ADAM29: variants seen among roughly 807,000 people sequenced by gnomAD.
ADAM29 encodes the protein disintegrin and metalloproteinase domain-containing protein 29.
For synonymous variants in ADAM29, 367 were observed against 342.3 expected (o/e 1.07, Z -0.80); for missense variants, 969 against 1,001.8 (o/e 0.97, Z 0.44).
chr4:174,976,381 T>A lies in ADAM29; in HGVS notation c.856T>A (p.Ser286Thr), dbSNP rs1258221431. ...TACGCCCCGGATGCAACATGACACC[T>A]CACATCTTTTCACAACTCTAGGATT... The part of the protein sequence containing the change: ...NITPRMQHDT[S>T]HLFTTLGLRG... Residue 286 changes from serine (S) to threonine (T), a missense_variant, in exon 5 of 5, where the codon TCA becomes ACA. Ser to Thr is a moderately conservative substitution (Grantham distance 58). Coordinates refer to ENST00000359240, the MANE Select transcript of ADAM29 (RefSeq NM_014269.4). 2 of 1,599,132 alleles carry A rather than the reference T, an allele frequency of 1.3e-6. No homozygotes were observed. Among genetic ancestry groups the A allele is most frequent in the African/African-American group, 2.7e-5 (2 of 74,366 alleles).
intron 4 of ADAM29, among the ~76,000 whole-genome samples, chr4:174,951,876 T>C (rs983895254): frequency 6.6e-6 from 1 of 152,224 alleles, no homozygotes; most frequent in East Asian, 1.9e-4. Flanking sequence ...TTCAAGGGGA[T>C]TGGGGAGATG....
Position 174,976,776 on chromosome 4 carries a change from G to T in ADAM29, c.1251G>T (p.Lys417Asn). The T allele has an allele frequency of 6.2e-7, 1 of 1,614,152 alleles. No individual in the cohort carries two copies. The highest frequency in any genetic ancestry group is 1.1e-5 in the South Asian group (1 of 91,084). Residue 417 changes from lysine to asparagine, a missense_variant, in exon 5 of 5, where the codon AAG becomes AAT. Coordinates refer to ENST00000359240, the MANE Select transcript of ADAM29 (RefSeq NM_014269.4). Reference sequence around the variant, plus strand: ...AAGAGTGTGACTGTGGACCTTTAAAGCATTGTGCAAAAGATCCCTGCTGTC... The same window carrying T: ...AAGAGTGTGACTGTGGACCTTTAAATCATTGTGCAAAAGATCCCTGCTGTC... The part of the protein sequence containing the change: ...EGEECDCGPL[K>N]HCAKDPCCLS...
chr4:174,950,307 C>A (rs1486010262), intron 4 of ADAM29, among the ~76,000 whole-genome samples: 2 of 152,082 alleles, frequency 1.3e-5, no homozygotes, highest in Admixed American at 1.3e-4. Flanking sequence ...TATGATAAAC[C>A]CATAGGACTT....
At position 174,939,905 on chromosome 4, in the gene ADAM29, T is replaced by C. The variant is rs908382912; in HGVS notation, c.-181+2892T>C. 1.3e-4 allele frequency among the ~76,000 whole-genome samples: 20 copies of C among 152,026 alleles called. 1 individual carries two copies. The highest frequency in any genetic ancestry group is 4.6e-4 in the African/African-American group (19 of 41,420). ...AAGTCAGTGTTGCAAATTTTATGAA[T>C]ACAAACTTTCCTTTTTCTCCCTCTC... On this transcript the variant is annotated intron_variant, in intron 4 of 4. Coordinates refer to ENST00000359240, the MANE Select transcript of ADAM29 (RefSeq NM_014269.4).
At chr4:174,968,391 G>A (rs1269213435) in intron 4 of ADAM29, among the ~76,000 whole-genome samples, 3 of 152,180 alleles carry the variant, frequency 2.0e-5, no homozygotes, top group African/African-American at 2.4e-5. Context: ...AATGTCTGCA[G>A]TCACACTGCC....
At position 174,963,165 on chromosome 4, in the gene ADAM29, A is replaced by G. The variant is rs138544471; in HGVS notation, c.-180-12181A>G. Among the ~76,000 whole-genome samples, 11 of 152,304 alleles carry G rather than the reference A, an allele frequency of 7.2e-5. No individual in the cohort carries two copies. In the East Asian group the frequency reaches 1.9e-3, roughly 27 times the overall value. On this transcript the variant is annotated intron_variant, in intron 4 of 4. Coordinates refer to ENST00000359240, the MANE Select transcript of ADAM29 (RefSeq NM_014269.4). ...AAGGAAAAAAAATATAAATGCAACT[A>G]AAAAATAGACAGACACATTAGGATA...
At chr4:174,949,379 C>G (rs937782719) in intron 4 of ADAM29, among the ~76,000 whole-genome samples, 3 of 152,154 alleles carry the variant, frequency 2.0e-5, no homozygotes, top group African/African-American at 7.2e-5. Flanking sequence ...AGAGCCCTGC[C>G]GTGTCATTTC....
intron 4 of ADAM29, among the ~76,000 whole-genome samples, chr4:174,942,767 C>T (rs1233304297): frequency 6.6e-6 from 1 of 152,180 alleles, no homozygotes; most frequent in Non-Finnish European, 1.5e-5. Context: ...TTTGCTTATG[C>T]AAATTTCTGC....
At chr4:174,922,058 T>A (rs985024274) in intron 2 of ADAM29, among the ~76,000 whole-genome samples, 7 of 152,220 alleles carry the variant, frequency 4.6e-5, no homozygotes, top group Non-Finnish European at 8.8e-5. Context: ...TTTGGGATCT[T>A]GGTTTGATGG....
intron 4 of ADAM29, among the ~76,000 whole-genome samples, chr4:174,943,450 T>C (rs1434050805): frequency 1.3e-5 from 2 of 152,168 alleles, no homozygotes; most frequent in African/African-American, 4.8e-5. Context: ...TTTGGAGGCT[T>C]CAGGAAAATG....
chr4:174,926,045 T>A (rs1380236053), intron 2 of ADAM29, among the ~76,000 whole-genome samples: 1 of 152,180 alleles, frequency 6.6e-6, no homozygotes. Context: ...GGAGTATGGA[T>A]CTTTATACAG....
At chr4:174,925,366 C>G (rs1269744693) in intron 2 of ADAM29, among the ~76,000 whole-genome samples, 2 of 117,480 alleles carry the variant, frequency 1.7e-5, no homozygotes, top group African/African-American at 5.8e-5. Flanking sequence ...GCTATCTTTG[C>G]ATTTTTTTTT....
chr4:174,940,143 A>G (rs976343508), intron 4 of ADAM29, among the ~76,000 whole-genome samples: 1 of 152,116 alleles, frequency 6.6e-6, no homozygotes, highest in Admixed American at 6.6e-5. Flanking sequence ...TAAAGTGGTT[A>G]GTTTTCTTCC....
chr4:174,935,033 T>C (rs1165786191), intron 3 of ADAM29, among the ~76,000 whole-genome samples: 1 of 152,122 alleles, frequency 6.6e-6, no homozygotes, highest in Non-Finnish European at 1.5e-5. Context: ...AAAGACATAG[T>C]ACATATTATT....
At chr4:174,945,157 C>A (rs563146408) in intron 4 of ADAM29, among the ~76,000 whole-genome samples, 123 of 152,256 alleles carry the variant, frequency 8.1e-4, no homozygotes, top group African/African-American at 2.8e-3. Flanking sequence ...ACCTTGCCAG[C>A]ATCTGTTATT....
Position 174,935,275 on chromosome 4 carries a change from A to T in ADAM29, c.-261-1658A>T, listed in dbSNP as rs376051463. 9.2e-5 allele frequency among the ~76,000 whole-genome samples: 14 copies of T among 152,252 alleles called. No individual in the cohort carries two copies. The East Asian group carries it at 1.5e-3, about 17-fold the overall frequency. ...GGATATGTCATTAGAAATGCATTGA[A>T]TTCTTATCAAATTTCAAGGTACCTT... On this transcript the variant is annotated intron_variant, in intron 3 of 4. Coordinates refer to ENST00000359240, the MANE Select transcript of ADAM29 (RefSeq NM_014269.4).
At position 174,965,674 on chromosome 4, in the gene ADAM29, G is replaced by A. The variant is rs114300197; in HGVS notation, c.-180-9672G>A. Among the ~76,000 whole-genome samples, 869 of 152,070 alleles carry A rather than the reference G, an allele frequency of 5.7e-3. 1 individual carries two copies. The highest frequency in any genetic ancestry group is 9.1e-3 in the Non-Finnish European group (618 of 67,980). On this transcript the variant is annotated intron_variant, in intron 4 of 4. Transcript: ENST00000359240. ...TGATGTCTGATGAGAGCCCTCTTTT[G>A]CTCTTAAAAAAATGGTTTGCCTACC...
intron 4 of ADAM29, among the ~76,000 whole-genome samples, chr4:174,965,758 T>C (rs1326654944): frequency 1.3e-5 from 2 of 151,648 alleles, no homozygotes; most frequent in African/African-American, 4.9e-5. Context: ...CCTCATCCTC[T>C]TATAAAGGCA....
intron 4 of ADAM29, among the ~76,000 whole-genome samples, chr4:174,947,538 C>A (rs187424594): frequency 6.6e-6 from 1 of 152,038 alleles, no homozygotes; most frequent in Non-Finnish European, 1.5e-5. Context: ...TTAAATCCCT[C>A]GTAATTGTAT....
Sources: allele counts gnomAD v4.1 joint callset (sites outside exome capture counted in the v4.1 genomes callset), GRCh38; gene constraint gnomAD v4.1.1; transcripts MANE v1.5; gene names NCBI Gene and HGNC (gene_info 2026-07-23, HGNC 2026-07-21).